Variants in LRRIQ1 observed in about 807,000 individuals in gnomAD.
The protein encoded by LRRIQ1 is leucine-rich repeat- and IQ domain-containing protein 1.
A neutral mutation model predicts 211.9 loss-of-function variants in LRRIQ1; 210 were observed. The observed-to-expected ratio is 0.99, with a 90% CI of 0.89 to 1.11. The LOEUF (loss-of-function observed/expected upper bound fraction) is 1.11, where lower values mean the gene tolerates loss of function less well. Among genes scored for constraint, LRRIQ1 ranks in the 50% most tolerant of loss-of-function variants. The pLI, the probability that LRRIQ1 is intolerant of heterozygous loss-of-function variation, is 0.00. For synonymous variants in LRRIQ1, 699 were observed against 650.1 expected, an observed-to-expected ratio of 1.08 and a Z score of -1.14; for missense variants, 2,136 against 1,939.5, an observed-to-expected ratio of 1.10 and a Z score of -1.90.
chr12:85,111,417 C>T (rs1887165761), intron 15 of LRRIQ1, among the ~76,000 whole-genome samples: 1 of 152,080 alleles, frequency 6.6e-6, no homozygotes, highest in Admixed American at 6.6e-5. Context: ...GCAGTCATCA[C>T]TTCACTCATA....
At chr12:85,165,467 C>CTTT (rs779566934) in intron 24 of LRRIQ1, among the ~76,000 whole-genome samples, 48 of 118,612 alleles carry the variant, frequency 4.0e-4, no homozygotes, top group East Asian at 4.9e-4. Context: ...TGATTTCTTA[C>CTTT]TTTTTTTTTT....
chr12:85,168,587 G>T (rs375910783), intron 24 of LRRIQ1, among the ~76,000 whole-genome samples: 2 of 152,082 alleles, frequency 1.3e-5, no homozygotes, highest in East Asian at 3.9e-4. Context: ...TTTGCTAGTG[G>T]GTCACTAGGG....
intron 13 of LRRIQ1, among the ~76,000 whole-genome samples, chr12:85,102,396 T>C (rs1296483300): frequency 6.6e-6 from 1 of 151,834 alleles, no homozygotes; most frequent in Non-Finnish European, 1.5e-5. Flanking sequence ...CAATACATTC[T>C]CACTTTTATT....
At chr12:85,244,185 GATAAA>G (rs1455132552) in intron 26 of LRRIQ1, among the ~76,000 whole-genome samples, 1 of 151,378 alleles carries the variant, frequency 6.6e-6, no homozygotes, top group Non-Finnish European at 1.5e-5. Flanking sequence ...GGCAATTTGA[GATAAA>G]ATAAATAATT....
At chr12:85,094,456 A>G (rs1203279016) in intron 11 of LRRIQ1, among the ~76,000 whole-genome samples, 4 of 152,088 alleles carry the variant, frequency 2.6e-5, no homozygotes, top group Non-Finnish European at 4.4e-5. Context: ...CCACTGCTAT[A>G]TCCTGTCCCA....
Position 85,232,731 on chromosome 12 carries a change from T to A in LRRIQ1, c.4991T>A (p.Leu1664His), listed in dbSNP as rs969358247. ...TTGCCTGAGTTAGATCCAGATGTAC[T>A]TAATGGTGGAAGAGTTCAGCTTGTG... ...HFLPELDPDV[L>H]NGGRVQLVAR... Residue 1664 changes from leucine (L) to histidine (H), a missense_variant, in exon 26 of 27, where the codon CTT becomes CAT. Transcript: ENST00000393217. 6.2e-7 allele frequency: 1 copy of A among 1,612,928 alleles called. No homozygotes were observed. Among genetic ancestry groups the A allele is most frequent in the African/African-American group, 1.3e-5 (1 of 75,036 alleles).
intron 24 of LRRIQ1, among the ~76,000 whole-genome samples, chr12:85,227,410 T>G (rs1894716402): frequency 6.6e-6 from 1 of 152,228 alleles, no homozygotes; most frequent in Admixed American, 6.5e-5. Flanking sequence ...GATTTGCATT[T>G]CTCTGATGGC....
At chr12:85,081,421 C>G (rs1884267705) in intron 11 of LRRIQ1, among the ~76,000 whole-genome samples, 2 of 151,166 alleles carry the variant, frequency 1.3e-5, no homozygotes, top group Admixed American at 1.3e-4. Flanking sequence ...TCTCCTTCCT[C>G]TCCTCTGTTG....
intron 8 of LRRIQ1, among the ~76,000 whole-genome samples, chr12:85,061,225 C>A (rs1315658691): frequency 6.6e-6 from 1 of 151,656 alleles, no homozygotes; most frequent in Non-Finnish European, 1.5e-5. Flanking sequence ...TGAACACATA[C>A]GATTACTAAT....
chr12:85,166,371 C>G (rs750541373), intron 24 of LRRIQ1, among the ~76,000 whole-genome samples: 1 of 152,132 alleles, frequency 6.6e-6, no homozygotes, highest in Non-Finnish European at 1.5e-5. Flanking sequence ...TAACATGCTT[C>G]CTATTTGTTC....
intron 24 of LRRIQ1, among the ~76,000 whole-genome samples, chr12:85,228,791 A>T (rs992443823): frequency 6.6e-6 from 1 of 152,176 alleles, no homozygotes; most frequent in Non-Finnish European, 1.5e-5. Flanking sequence ...ATGTACAAAC[A>T]TCTATAACAA....
Position 85,098,555 on chromosome 12 carries a change from G to A in LRRIQ1, c.3081+7G>A. ...GGGAAATTATCTGAGTGAGGTAATT[G>A]CTTTGAATTAATTGATTTCTGTGAT... On this transcript the variant is annotated splice_region_variant and intron_variant, in intron 12 of 26. Transcript: ENST00000393217. 6.3e-7 allele frequency: 1 copy of A among 1,588,176 alleles called. No individual in the cohort carries two copies. Among genetic ancestry groups the A allele is most frequent in the Non-Finnish European group, 8.6e-7 (1 of 1,164,970 alleles).
intron 24 of LRRIQ1, among the ~76,000 whole-genome samples, chr12:85,217,494 A>ATG (rs1894160017): frequency 1.4e-5 from 1 of 72,262 alleles, no homozygotes; most frequent in South Asian, 3.8e-4. Context: ...ATATATATGT[A>ATG]TATATATATA....
Position 85,152,371 on chromosome 12 carries a change from T to A in LRRIQ1, c.4419+2T>A. 6.2e-7 allele frequency: 1 copy of A among 1,608,300 alleles called. No homozygotes were observed. The highest frequency in any genetic ancestry group is 8.5e-7 in the Non-Finnish European group (1 of 1,176,436). Reference sequence around the variant, plus strand: ...TCAAACCAGCTGCATTGGCCAAAGGTAACATGTCATGGAAACTTCTGAGTC... The same window carrying A: ...TCAAACCAGCTGCATTGGCCAAAGGAAACATGTCATGGAAACTTCTGAGTC... On this transcript the variant is annotated splice_donor_variant, in intron 20 of 26. Coordinates refer to ENST00000393217, the MANE Select transcript of LRRIQ1 (RefSeq NM_001079910.2). LOFTEE classifies it high-confidence loss of function.
chr12:85,220,299 G>A (rs962174971), intron 24 of LRRIQ1, among the ~76,000 whole-genome samples: 2 of 151,962 alleles, frequency 1.3e-5, no homozygotes, highest in African/African-American at 4.8e-5. Context: ...GTTGCCATAA[G>A]TATTAAAAAT....
chr12:85,043,833 T>A (rs934652189), intron 3 of LRRIQ1, among the ~76,000 whole-genome samples: 10 of 152,182 alleles, frequency 6.6e-5, no homozygotes, highest in African/African-American at 2.4e-4. Context: ...TCCTCTACTA[T>A]ACACTCCTGT....
the LRRIQ1 span, among the ~76,000 whole-genome samples, chr12:85,270,886 C>G: frequency 6.6e-6 from 1 of 152,094 alleles, no homozygotes; most frequent in Non-Finnish European, 1.5e-5. Context: ...AAAGTAGTCT[C>G]TACATTATTA....
At chr12:85,098,218 T>G (rs1052435786) in intron 11 of LRRIQ1, 137 bp from the exon 12 acceptor site, 2 of 573,528 alleles carry the variant, frequency 3.5e-6, no homozygotes, top group African/African-American at 3.9e-5. Flanking sequence ...TCACCAGGAA[T>G]TTGGACTAAG....
chr12:85,055,757 A>G lies in LRRIQ1; in HGVS notation c.964A>G (p.Lys322Glu). The change falls in exon 8 of 27, where the codon AAG (lysine) becomes GAG (glutamate). Residue 322 changes from lysine to glutamate, a missense_variant. Transcript: ENST00000393217. ...TAAGAAAAGGAAAGCACAAGAGTGG[A>G]AGGAAAAGGAAGCAAAAATACGACA... ...ESKKRKAQEW[K>E]EKEAKIRQKE... The G allele has an allele frequency of 6.2e-7, 1 of 1,609,650 alleles. No individual in the cohort carries two copies. Among genetic ancestry groups the G allele is most frequent in the Non-Finnish European group, 8.5e-7 (1 of 1,177,714 alleles).
Sources: allele counts gnomAD v4.1 joint callset (sites outside exome capture counted in the v4.1 genomes callset), GRCh38; gene constraint gnomAD v4.1.1; transcripts MANE v1.5; gene names NCBI Gene and HGNC (gene_info 2026-07-23, HGNC 2026-07-21).